VWA5B1: variants seen among roughly 807,000 people sequenced by gnomAD.
The protein encoded by VWA5B1 is von Willebrand factor A domain containing 5B1.
In VWA5B1, 115 loss-of-function variants were observed where a neutral mutation model predicts 118.2. That is an observed-to-expected ratio of 0.97 (90% CI 0.84 to 1.14). The LOEUF is 1.14. VWA5B1 is among the 50% of genes most tolerant of loss of function. The pLI is 0.00. For synonymous variants in VWA5B1, 682 were observed against 658.4 expected (o/e 1.04, Z -0.55); for missense variants, 1,596 against 1,603.8 (o/e 1.00, Z 0.08).
At chr1:20,296,463 C>T (rs942904564) in intron 1 of VWA5B1, among the ~76,000 whole-genome samples, 1 of 152,220 alleles carries the variant, frequency 6.6e-6, no homozygotes, top group African/African-American at 2.4e-5. Flanking sequence ...AAATGAGAAC[C>T]TGGCATTTAG....
intron 18 of VWA5B1, among the ~76,000 whole-genome samples, 196 bp downstream of exon 18, chr1:20,348,554 G>A (rs1029444122): frequency 1.3e-5 from 2 of 152,066 alleles, no homozygotes; most frequent in Non-Finnish European, 2.9e-5. Context: ...CGGTATGGCC[G>A]GAGCGCACCA....
intron 1 of VWA5B1, among the ~76,000 whole-genome samples, chr1:20,297,244 A>G (rs1218524862): frequency 1.3e-5 from 2 of 152,228 alleles, no homozygotes; most frequent in African/African-American, 4.8e-5. Context: ...AGATTAGGCT[A>G]CGCTGCAGTA....
At position 20,317,623 on chromosome 1, in the gene VWA5B1, G is replaced by A. The variant is rs1005166789; in HGVS notation, c.657G>A (p.Met219Ile). The A allele has an allele frequency of 6.4e-7, 1 of 1,551,788 alleles. No homozygotes were observed. The highest frequency in any genetic ancestry group is 8.7e-7 in the Non-Finnish European group (1 of 1,146,976). The change falls in exon 5 of 22, where the codon ATG (methionine) becomes ATA (isoleucine). Residue 219 changes from methionine (M) to isoleucine (I), a missense_variant. Transcript: ENST00000289815. ...TLLNTEVSNP[M>I]EYEFNFQLEI... ...TGAACACCGAAGTGTCCAACCCCAT[G>A]GAGTATGAGTTCAACTTCCAGCTGG...
chr1:20,346,751 CT>C (rs1323753431), intron 17 of VWA5B1, among the ~76,000 whole-genome samples: 1 of 152,152 alleles, frequency 6.6e-6, no homozygotes. Flanking sequence ...ACTATTTGTG[CT>C]TTTTTTGTTT....
chr1:20,312,703 G>A (rs745933981), intron 2 of VWA5B1, 133 bp from the exon 3 acceptor site: 24 of 1,257,754 alleles, frequency 1.9e-5, no homozygotes, highest in East Asian at 2.9e-5. Context: ...GCTCTCTGCC[G>A]AGGCCTCTCG....
At chr1:20,291,359 T>TCTCTCTCTCTCTCTCTCTCTCTCTC (rs2088297636) in intron 1 of VWA5B1, among the ~76,000 whole-genome samples, 4 of 103,342 alleles carry the variant, frequency 3.9e-5, no homozygotes, top group African/African-American at 1.5e-4. Context: ...CTTTCTTTCT[T>TCTCTCTCTCTCTCTCTCTCTCTCTC]TCTCTCTCTC....
At chr1:20,311,353 G>A (rs540933190) in intron 2 of VWA5B1, among the ~76,000 whole-genome samples, 1 of 152,338 alleles carries the variant, frequency 6.6e-6, no homozygotes, top group East Asian at 1.9e-4. Flanking sequence ...CACAAGAGGA[G>A]AGGCATCAAG....
At chr1:20,342,865 G>C (rs1375599803) in intron 15 of VWA5B1, among the ~76,000 whole-genome samples, 2 of 152,194 alleles carry the variant, frequency 1.3e-5, no homozygotes, top group Non-Finnish European at 2.9e-5. Flanking sequence ...TCAGGCACTG[G>C]CTTCCTGGGA....
intron 12 of VWA5B1, among the ~76,000 whole-genome samples, chr1:20,335,362 T>A (rs1406465790): frequency 6.6e-6 from 1 of 152,114 alleles, no homozygotes; most frequent in Non-Finnish European, 1.5e-5. Context: ...TTCCAAAGTG[T>A]TTCAAGTGCA....
intron 14 of VWA5B1, among the ~76,000 whole-genome samples, chr1:20,339,699 T>G (rs1488401448): frequency 6.7e-6 from 1 of 149,030 alleles, no homozygotes; most frequent in Non-Finnish European, 1.5e-5. Flanking sequence ...CACTTACACA[T>G]AAGCCCGCTC....
At chr1:20,336,714 G>T (rs181072730) in intron 13 of VWA5B1, among the ~76,000 whole-genome samples, 9 of 152,258 alleles carry the variant, frequency 5.9e-5, no homozygotes, top group Admixed American at 5.9e-4. Flanking sequence ...TGACTCCAAA[G>T]CCTCGTTATG....
Position 20,350,900 on chromosome 1 carries a change from G to C in VWA5B1, c.2997G>C (p.Lys999Asn). 1.9e-6 allele frequency: 3 copies of C among 1,551,950 alleles called. No homozygotes were observed. Among genetic ancestry groups the C allele is most frequent in the Non-Finnish European group, 1.7e-6 (2 of 1,147,050 alleles). ...CTACAAATACTCTTTCTTCCATGAA[G>C]GCCTCAGAGAATCTCTTTGGATCCT... ...SLATNTLSSM[K>N]ASENLFGSWL... The change falls in exon 20 of 22, where the codon AAG becomes AAC. Residue 999 changes from lysine (K) to asparagine (N), a missense_variant. By Grantham distance (94) the Lys-to-Asn change is moderately conservative (BLOSUM62 0). Coordinates refer to ENST00000289815, the MANE Select transcript of VWA5B1 (RefSeq NM_001039500.3).
chr1:20,331,444 CA>C (rs1175757882), intron 11 of VWA5B1, among the ~76,000 whole-genome samples: 1 of 152,146 alleles, frequency 6.6e-6, no homozygotes, highest in African/African-American at 2.4e-5. Context: ...TAAACAAAGA[CA>C]GGGCTGGGAT....
At position 20,357,771 on chromosome 1, in the gene VWA5B1, C is replaced by G. The variant is rs1222218801; in HGVS notation, c.*3508C>G. On this transcript the variant is annotated 3_prime_UTR_variant, in exon 22 of 22. Coordinates refer to ENST00000289815, the MANE Select transcript of VWA5B1 (RefSeq NM_001039500.3). The stretch of plus-strand genomic sequence containing the variant: ...GTCCTGCCATCTGTGGGTGTGGCCT[C>G]GTATTAGCACTACCTAGGTACCCTT... Among the ~76,000 whole-genome samples, 2 of 152,202 alleles carry G rather than the reference C, an allele frequency of 1.3e-5. No homozygotes were observed. The highest frequency in any genetic ancestry group is 2.9e-5 in the Non-Finnish European group (2 of 68,026).
chr1:20,321,250 A>G (rs1456900917), intron 7 of VWA5B1, among the ~76,000 whole-genome samples: 1 of 152,154 alleles, frequency 6.6e-6, no homozygotes, highest in Non-Finnish European at 1.5e-5. Flanking sequence ...CACAGTCTTC[A>G]TCTTCATGGA....
At chr1:20,310,513 A>C in intron 1 of VWA5B1, 63 bp from the exon 2 acceptor site, 1 of 1,410,548 alleles carries the variant, frequency 7.1e-7, no homozygotes, top group Non-Finnish European at 9.3e-7. Flanking sequence ...TGAAACGGGA[A>C]AACTAGGTTG....
chr1:20,345,835 T>C (rs1307753052), intron 17 of VWA5B1, among the ~76,000 whole-genome samples: 1 of 152,188 alleles, frequency 6.6e-6, no homozygotes, highest in African/African-American at 2.4e-5. Context: ...CAGGTGAAAA[T>C]GATTTTATTG....
intron 1 of VWA5B1, among the ~76,000 whole-genome samples, chr1:20,305,678 G>C (rs1461109406): frequency 6.6e-6 from 1 of 152,042 alleles, no homozygotes; most frequent in Non-Finnish European, 1.5e-5. Flanking sequence ...GGTGGGCAGT[G>C]GCCAGGAGCT....
At position 20,356,573 on chromosome 1, in the gene VWA5B1, C is replaced by T. The variant is rs2101039959; in HGVS notation, c.*2310C>T. Among the ~76,000 whole-genome samples the T allele has an allele frequency of 6.6e-6, 1 of 152,334 alleles. No homozygotes were observed. Among genetic ancestry groups the T allele is most frequent in the Admixed American group, 6.5e-5 (1 of 15,304 alleles). On this transcript the variant is annotated 3_prime_UTR_variant, in exon 22 of 22. Transcript: ENST00000289815. ...TGAACCGGTCTCTGCCAGCATAGAA[C>T]TAGTGCTACAAGATGCCTAGCAGGA...
Sources: gnomAD v4.1 joint callset for allele counts (sites outside exome capture counted in the v4.1 genomes callset) on GRCh38, gnomAD v4.1.1 for gene constraint, MANE v1.5 for transcripts, NCBI Gene and HGNC (gene_info 2026-07-23, HGNC 2026-07-21) for gene names.